Variants in MEIS1 observed in about 807,000 individuals in gnomAD.
The protein encoded by MEIS1 is homeobox protein Meis1.
In MEIS1, 5 loss-of-function variants were observed where a neutral mutation model predicts 50.8. The ratio of observed to expected loss-of-function variants is 0.10; its 90% CI spans 0.05 to 0.21. MEIS1 has a LOEUF of 0.21. Ranked by LOEUF, MEIS1 falls within the 10% of genes least tolerant of loss-of-function variation. The pLI is 1.00. For synonymous variants in MEIS1, 176 were observed against 179.3 expected (o/e 0.98, Z 0.15); for missense variants, 318 against 517.3 (o/e 0.61, Z 3.74).
rs547749974 is a variant in MEIS1 at position 66,541,126 on chromosome 2, C to T, written c.889-6817C>T. Among the ~76,000 whole-genome samples the T allele has an allele frequency of 2.0e-5, 3 of 152,046 alleles. No homozygotes were observed. The South Asian group carries it at 6.3e-4, about 32-fold the overall frequency. On this transcript the variant is annotated intron_variant, in intron 8 of 12. Coordinates refer to ENST00000272369, the MANE Select transcript of MEIS1 (RefSeq NM_002398.3). ...AATCTCGGCTCATTGCAAGCTCTGCCTCCCGGGTTCACTCCATTCTTCTGC... is the reference window on the plus strand; with the variant it reads ...AATCTCGGCTCATTGCAAGCTCTGCTTCCCGGGTTCACTCCATTCTTCTGC...
intron 9 of MEIS1, among the ~76,000 whole-genome samples, chr2:66,554,233 T>G (rs1674996087): frequency 6.6e-6 from 1 of 152,220 alleles, no homozygotes; most frequent in African/African-American, 2.4e-5. Context: ...ATGAAACCAG[T>G]GACAACGGAG....
chr2:66,529,368 G>T (rs542611081), intron 8 of MEIS1, among the ~76,000 whole-genome samples: 3 of 152,262 alleles, frequency 2.0e-5, no homozygotes, highest in Admixed American at 2.0e-4. Context: ...AAGTAGAAAG[G>T]CTGGAAAAGA....
intron 12 of MEIS1, 148 bp from the exon 13 acceptor site, chr2:66,571,098 T>G (rs1558568483): frequency 2.5e-6 from 2 of 788,580 alleles, no homozygotes; most frequent in East Asian, 2.9e-5. Context: ...TTTTATTTTC[T>G]TCTGTATGAA....
chr2:66,436,338 AC>A (rs535975511), intron 1 of MEIS1, among the ~76,000 whole-genome samples: 122 of 152,328 alleles, frequency 8.0e-4, no homozygotes, highest in African/African-American at 2.9e-3. Context: ...TGGTCAGAAA[AC>A]ATTCATCTTT....
intron 1 of MEIS1, chr2:66,437,529 C>T: frequency 1.7e-6 from 1 of 598,134 alleles, no homozygotes; most frequent in Non-Finnish European, 3.0e-6. Context: ...GATCATTCAT[C>T]CCAGACGAGT....
chr2:66,499,895 A>G (rs540784024), intron 7 of MEIS1, among the ~76,000 whole-genome samples: 2 of 152,300 alleles, frequency 1.3e-5, no homozygotes, highest in East Asian at 3.9e-4. Context: ...ATTTAAAGTC[A>G]GTGGACATAT....
At chr2:66,551,946 A>G (rs1674931816) in intron 9 of MEIS1, among the ~76,000 whole-genome samples, 1 of 152,080 alleles carries the variant, frequency 6.6e-6, no homozygotes, top group Admixed American at 6.6e-5. Context: ...CAAATGTTTT[A>G]GTAATTTAAG....
chr2:66,462,779 C>T (rs1369339122), intron 6 of MEIS1, among the ~76,000 whole-genome samples: 1 of 152,186 alleles, frequency 6.6e-6, no homozygotes, highest in Non-Finnish European at 1.5e-5. Context: ...GATCAATTAG[C>T]ACTGTTTTTG....
At chr2:66,505,909 T>C (rs1400816955) in intron 7 of MEIS1, among the ~76,000 whole-genome samples, 2 of 152,182 alleles carry the variant, frequency 1.3e-5, no homozygotes, top group Admixed American at 6.5e-5. Context: ...TGTTTTCTTA[T>C]AGTTTTTTAT....
intron 7 of MEIS1, among the ~76,000 whole-genome samples, chr2:66,478,503 C>T (rs886955461): frequency 2.0e-5 from 3 of 152,194 alleles, no homozygotes; most frequent in Non-Finnish European, 4.4e-5. Flanking sequence ...TGGCATGGAG[C>T]CATGTGCTGC....
At chr2:66,550,115 C>T (rs953282485) in intron 9 of MEIS1, among the ~76,000 whole-genome samples, 2 of 152,190 alleles carry the variant, frequency 1.3e-5, no homozygotes, top group Non-Finnish European at 2.9e-5. Context: ...AGACTTTACC[C>T]TAAACTTCAC....
At chr2:66,453,316 T>A (rs1262437510) in intron 6 of MEIS1, among the ~76,000 whole-genome samples, 1 of 151,984 alleles carries the variant, frequency 6.6e-6, no homozygotes, top group Non-Finnish European at 1.5e-5. Context: ...ATCTCTAGAA[T>A]AATAGCCTTG....
At chr2:66,516,417 CCATT>C (rs1465209479) in intron 8 of MEIS1, among the ~76,000 whole-genome samples, 1 of 152,164 alleles carries the variant, frequency 6.6e-6, no homozygotes, top group African/African-American at 2.4e-5. Context: ...TACTCCCCAT[CCATT>C]CACCATCCTG....
intron 1 of MEIS1, chr2:66,437,416 A>C: frequency 3.0e-6 from 1 of 335,036 alleles, no homozygotes. Flanking sequence ...TTCACCTTCT[A>C]CCCTCGGGAG....
At chr2:66,495,096 T>C (rs1164972317) in intron 7 of MEIS1, among the ~76,000 whole-genome samples, 5 of 149,184 alleles carry the variant, frequency 3.4e-5, no homozygotes, top group East Asian at 1.9e-4. Flanking sequence ...TTTTTTTTTT[T>C]TTTTTTTTTT....
chr2:66,435,931 A>G, intron 1 of MEIS1, 63 bp downstream of exon 1: 6 of 1,459,980 alleles, frequency 4.1e-6, no homozygotes, highest in Non-Finnish European at 5.5e-6. Flanking sequence ...TGGCCGAAAG[A>G]CACTGCTAAA....
At chr2:66,490,720 T>C (rs976221702) in intron 7 of MEIS1, among the ~76,000 whole-genome samples, 3 of 152,100 alleles carry the variant, frequency 2.0e-5, no homozygotes, top group Admixed American at 1.3e-4. Context: ...CATTTGATAA[T>C]GTGTAAAATA....
intron 7 of MEIS1, among the ~76,000 whole-genome samples, chr2:66,489,273 G>T (rs115177242): frequency 6.6e-6 from 1 of 152,132 alleles, no homozygotes; most frequent in Non-Finnish European, 1.5e-5. Context: ...AGAAAAATAC[G>T]CCTTAGTTGT....
intron 8 of MEIS1, among the ~76,000 whole-genome samples, chr2:66,516,898 A>T (rs895624437): frequency 1.3e-5 from 2 of 152,208 alleles, no homozygotes; most frequent in South Asian, 4.1e-4. Context: ...TGGAAGAATT[A>T]TTCTGTAAAC....
Sources: gnomAD v4.1 joint callset for allele counts (sites outside exome capture counted in the v4.1 genomes callset) on GRCh38, gnomAD v4.1.1 for gene constraint, MANE v1.5 for transcripts, NCBI Gene and HGNC (gene_info 2026-07-23, HGNC 2026-07-21) for gene names.